Variants in COG7 observed in about 807,000 individuals in gnomAD.
The protein encoded by COG7 is component of oligomeric golgi complex 7.
A neutral mutation model predicts 91.5 loss-of-function variants in COG7; 49 were observed. That is an observed-to-expected ratio of 0.54 (90% confidence interval 0.43 to 0.68). The LOEUF is 0.68. Ranked by LOEUF, COG7 falls within the 30% of genes least tolerant of loss-of-function variation. The pLI is 0.00. For missense variants in COG7, 895 were observed against 961.3 expected, an observed-to-expected ratio of 0.93 and a Z score of 0.91; for synonymous variants, 365 against 388.7, an observed-to-expected ratio of 0.94 and a Z score of 0.72.
At position 23,400,979 on chromosome 16, in the gene COG7, A is replaced by AG. The variant is rs1360521806; in HGVS notation, c.1803+2714dup. ...AGTGAGACTTTGTCTCAAAAAAAAA[A>AG]GGGGGGGGGGAAAACAGCAGAGAAT... On this transcript the variant is annotated intron_variant, in intron 13 of 16. Transcript: ENST00000307149. Among the ~76,000 whole-genome samples the AG allele has an allele frequency of 5.7e-3, 815 of 142,594 alleles. 2 individuals are homozygous for AG. The highest frequency in any genetic ancestry group is 8.3e-3 in the Non-Finnish European group (535 of 64,392). 93.5% of individuals were successfully genotyped at this position (142,594 alleles called of 152,430 possible).
Position 23,389,171 on chromosome 16 carries a change from G to A in COG7, c.2147-85C>T, listed in dbSNP as rs562199373. On this transcript the variant is annotated intron_variant, in intron 16 of 16. Transcript: ENST00000307149. The stretch of plus-strand genomic sequence containing the variant: ...GCCCCACAGGGCCTCCCCTGAATAC[G>A]ACACAGAGAAGCTGCCCTGCCAAGT... 1,101 of 1,518,542 alleles carry A rather than the reference G, an allele frequency of 7.3e-4. 1 individual carries two copies. The highest frequency in any genetic ancestry group is 8.7e-4 in the Non-Finnish European group (976 of 1,116,662). The allele number at this position is 1,518,542 out of a possible 1,614,324, so 94.1% of individuals were successfully genotyped here.
chr16:23,400,542 G>T (rs1963357827), intron 13 of COG7, among the ~76,000 whole-genome samples: 3 of 152,186 alleles, frequency 2.0e-5, no homozygotes, highest in African/African-American at 7.2e-5. Flanking sequence ...CCCCAGGAAA[G>T]GCCTCAAAGG....
intron 16 of COG7, chr16:23,392,109 G>A: frequency 7.4e-7 from 1 of 1,350,198 alleles, no homozygotes; most frequent in Non-Finnish European, 9.6e-7. Flanking sequence ...CAGGCTGCAG[G>A]ACTCGCTGAA....
intron 2 of COG7, 63 bp downstream of exon 2, chr16:23,445,750 A>T: frequency 6.4e-7 from 1 of 1,550,864 alleles, no homozygotes; most frequent in Non-Finnish European, 8.9e-7. Flanking sequence ...CCCTTACGAG[A>T]GTGACCACCT....
intron 14 of COG7, among the ~76,000 whole-genome samples, chr16:23,395,373 C>T (rs141462315): frequency 1.9e-4 from 29 of 152,312 alleles, no homozygotes; most frequent in African/African-American, 6.0e-4. Flanking sequence ...ACACCTACTA[C>T]GTACAAAGAC....
chr16:23,413,370 G>C, intron 10 of COG7, 78 bp downstream of exon 10: 2 of 851,724 alleles, frequency 2.3e-6, no homozygotes, highest in East Asian at 4.9e-5. Context: ...AAACACATTT[G>C]TCATTTTTAT....
intron 14 of COG7, chr16:23,394,762 G>A (rs952745742): frequency 9.2e-5 from 14 of 151,788 alleles, no homozygotes; most frequent in Non-Finnish European, 1.9e-4. Context: ...GTTTGGCTGT[G>A]TAAGTGTAAA....
Position 23,452,836 on chromosome 16 carries a change from G to A in COG7, c.159C>T (p.His53=). Residue 53 remains histidine, a synonymous_variant, in exon 1 of 17, where the codon CAC becomes CAT. Coordinates refer to ENST00000307149, the MANE Select transcript of COG7 (RefSeq NM_153603.4). ...KLQLFIQEVN[H]AVEETSHQAL... ...CCCCGAGCGGCTCACCCTCCACGGC[G>A]TGGTTCACCTCTTGGATGAACAGCT... 1.2e-6 allele frequency: 2 copies of A among 1,612,778 alleles called. No individual in the cohort carries two copies. Among genetic ancestry groups the A allele is most frequent in the Non-Finnish European group, 1.7e-6 (2 of 1,179,616 alleles).
chr16:23,449,984 G>C (rs1296463849), intron 1 of COG7, among the ~76,000 whole-genome samples: 1 of 151,938 alleles, frequency 6.6e-6, no homozygotes, highest in East Asian at 1.9e-4. Context: ...ACCCAGGCTG[G>C]AGTGTAGTGG....
chr16:23,433,798 A>T, intron 5 of COG7, 131 bp from the exon 6 acceptor site: 2 of 918,804 alleles, frequency 2.2e-6, no homozygotes, highest in Non-Finnish European at 3.4e-6. Context: ...AGTGAGGTCC[A>T]TTCACTTCAA....
At chr16:23,389,572 G>A (rs1963156009) in intron 16 of COG7, among the ~76,000 whole-genome samples, 1 of 152,074 alleles carries the variant, frequency 6.6e-6, no homozygotes, top group African/African-American at 2.4e-5. Context: ...TGGCCCCCAG[G>A]GTATCCACTG....
intron 6 of COG7, among the ~76,000 whole-genome samples, chr16:23,429,847 AC>A (rs1333917721): frequency 6.6e-6 from 1 of 152,228 alleles, no homozygotes; most frequent in Non-Finnish European, 1.5e-5. Flanking sequence ...AGTGATACAA[AC>A]AACACGAGCA....
chr16:23,400,435 G>A (rs1963355840), intron 13 of COG7, among the ~76,000 whole-genome samples: 1 of 152,168 alleles, frequency 6.6e-6, no homozygotes, highest in African/African-American at 2.4e-5. Flanking sequence ...AGAGTGTGGG[G>A]AGAAGCAACG....
chr16:23,450,346 T>C (rs1012994132), intron 1 of COG7, among the ~76,000 whole-genome samples: 1 of 152,176 alleles, frequency 6.6e-6, no homozygotes, highest in African/African-American at 2.4e-5. Flanking sequence ...AAGAAGTAAC[T>C]GCACCCTCCT....
intron 16 of COG7, 80 bp from the exon 17 acceptor site, chr16:23,389,166 A>G (rs984200062): frequency 6.5e-7 from 1 of 1,534,794 alleles, no homozygotes; most frequent in Non-Finnish European, 8.9e-7. Flanking sequence ...GCCTCCCCTG[A>G]ATACGACACA....
At chr16:23,418,675 T>C (rs1292596021) in intron 8 of COG7, 25 bp downstream of exon 8, 1 of 1,611,772 alleles carries the variant, frequency 6.2e-7, no homozygotes, top group Non-Finnish European at 8.5e-7. Context: ...GCTTCCTCAG[T>C]GGCCCCAGGA....
At chr16:23,391,356 C>T (rs868065171) in intron 16 of COG7, among the ~76,000 whole-genome samples, 41 of 152,178 alleles carry the variant, frequency 2.7e-4, no homozygotes, top group African/African-American at 8.7e-4. Context: ...AACACCAACA[C>T]GCATTTGAAT....
intron 6 of COG7, among the ~76,000 whole-genome samples, chr16:23,427,366 T>C (rs1362161364): frequency 1.3e-5 from 2 of 149,824 alleles, no homozygotes; most frequent in Non-Finnish European, 3.0e-5. Context: ...TCCCAGCTAC[T>C]CGGGAGGCTG....
At chr16:23,419,399 G>A (rs570649151) in intron 7 of COG7, among the ~76,000 whole-genome samples, 30 of 136,336 alleles carry the variant, frequency 2.2e-4, no homozygotes, top group African/African-American at 8.3e-4. Context: ...CAACAAGAGC[G>A]AGACTCCATC....
Sources: allele counts gnomAD v4.1 joint callset (sites outside exome capture counted in the v4.1 genomes callset), GRCh38; gene constraint gnomAD v4.1.1; transcripts MANE v1.5; gene names NCBI Gene and HGNC (gene_info 2026-07-23, HGNC 2026-07-21).